Variants in TMEM132D observed in about 807,000 individuals in gnomAD.
TMEM132D encodes the protein mature OL transmembrane protein.
Under a neutral mutation model 62.3 loss-of-function variants are expected in TMEM132D, and 21 were observed. That is an observed-to-expected ratio of 0.34 (90% CI 0.24 to 0.49). The LOEUF is 0.49. Ranked by LOEUF, TMEM132D falls within the 20% of genes least tolerant of loss-of-function variation. The pLI is 0.99. For synonymous variants in TMEM132D, 621 were observed against 575.6 expected, an observed-to-expected ratio of 1.08 and a Z score of -1.13; for missense variants, 1,346 against 1,402.8, an observed-to-expected ratio of 0.96 and a Z score of 0.65.
chr12:129,226,302 A>G (rs888842037), intron 4 of TMEM132D, among the ~76,000 whole-genome samples: 5 of 152,256 alleles, frequency 3.3e-5, no homozygotes, highest in African/African-American at 1.2e-4. Flanking sequence ...ATGCCTGGCC[A>G]GGATCACAGG....
intron 1 of TMEM132D, among the ~76,000 whole-genome samples, chr12:129,841,996 T>A: frequency 6.6e-6 from 1 of 150,514 alleles, no homozygotes; most frequent in Non-Finnish European, 1.5e-5. Context: ...AGTGGCGCGA[T>A]CTCGGCTCAC....
At chr12:129,670,715 C>G (rs1443387113) in intron 2 of TMEM132D, among the ~76,000 whole-genome samples, 2 of 152,196 alleles carry the variant, frequency 1.3e-5, no homozygotes, top group Admixed American at 1.3e-4. Flanking sequence ...ATCCCCCTGT[C>G]TTGATGAATC....
chr12:129,574,538 A>G (rs74809139), intron 2 of TMEM132D, among the ~76,000 whole-genome samples: 15,443 of 151,916 alleles, frequency 0.1, 1,007 homozygotes, highest in Admixed American at 0.18. Flanking sequence ...TGCAGAGCAA[A>G]ATGCATTTCA....
At chr12:129,605,622 T>TATAC (rs71451321) in intron 2 of TMEM132D, among the ~76,000 whole-genome samples, 13 of 126,834 alleles carry the variant, frequency 1.0e-4, no homozygotes, top group Non-Finnish European at 6.5e-5. Flanking sequence ...CATATATATA[T>TATAC]ACACACACAC....
At chr12:129,683,921 C>G (rs1043905562) in intron 2 of TMEM132D, among the ~76,000 whole-genome samples, 4 of 152,098 alleles carry the variant, frequency 2.6e-5, no homozygotes, top group Non-Finnish European at 2.9e-5. Flanking sequence ...TGCTTTGAGT[C>G]TTGTTGAAAA....
chr12:129,623,693 ACATATATATACATACATATG>A (rs1879135949), intron 2 of TMEM132D, among the ~76,000 whole-genome samples: 1 of 136,784 alleles, frequency 7.3e-6, no homozygotes, highest in Non-Finnish European at 1.5e-5. Context: ...ATACATATAT[ACATATATATACATACATATG>A]CATATATATA....
intron 1 of TMEM132D, among the ~76,000 whole-genome samples, chr12:129,753,088 G>A (rs1429872075): frequency 6.6e-6 from 1 of 152,304 alleles, no homozygotes; most frequent in East Asian, 1.9e-4. Context: ...ATGGCTAACA[G>A]GACAAGTAAA....
rs965361892 is a variant in TMEM132D, at chr12:129,796,156, G to A, written c.80-95458C>T. On this transcript the variant is annotated intron_variant, in intron 1 of 8. Transcript: ENST00000422113. ...TTGAGACCAGCCTGGGCAACATACT[G>A]AGACCCTGTCTCTAAATAAATAAAT... Among the ~76,000 whole-genome samples, 20 of 152,068 alleles carry A rather than the reference G, an allele frequency of 1.3e-4. No individual in the cohort carries two copies. The East Asian group carries it at 3.5e-3, about 26-fold the overall frequency.
At chr12:129,826,252 C>A (rs1244112572) in intron 1 of TMEM132D, among the ~76,000 whole-genome samples, 1 of 152,120 alleles carries the variant, frequency 6.6e-6, no homozygotes, top group Admixed American at 6.5e-5. Flanking sequence ...CCCTGAGTGA[C>A]CCTCCTAAGA....
intron 1 of TMEM132D, among the ~76,000 whole-genome samples, chr12:129,805,718 T>C (rs1163429065): frequency 1.3e-5 from 2 of 151,200 alleles, no homozygotes; most frequent in Non-Finnish European, 2.9e-5. Context: ...AAAGAGCTTC[T>C]GCACAGCAAA....
chr12:129,679,261 T>C (rs1179994236), intron 2 of TMEM132D, among the ~76,000 whole-genome samples: 2 of 152,074 alleles, frequency 1.3e-5, no homozygotes, highest in African/African-American at 4.8e-5. Flanking sequence ...TTTTTGTGAA[T>C]GTTTATTCAA....
At position 129,072,514 on chromosome 12, in the gene TMEM132D, T is replaced by A. The variant is rs1874103954; in HGVS notation, c.*1361A>T. ...CTGGTCTTAAGCAATGCTGAACCTT[T>A]CGGGGCTGACTGCAGGACCAAGTGC... On this transcript the variant is annotated 3_prime_UTR_variant, in exon 9 of 9. Coordinates refer to ENST00000422113, the MANE Select transcript of TMEM132D (RefSeq NM_133448.3). The A allele has an allele frequency of 6.6e-6, 1 of 152,282 alleles. No individual in the cohort carries two copies. The highest frequency in any genetic ancestry group is 2.1e-4 in the South Asian group (1 of 4,830). The allele number at this position is 152,282 out of a possible 1,614,324, so 9.4% of individuals were successfully genotyped here.
chr12:129,214,977 A>G (rs1315922653), intron 4 of TMEM132D, among the ~76,000 whole-genome samples: 3 of 152,222 alleles, frequency 2.0e-5, no homozygotes, highest in African/African-American at 7.2e-5. Context: ...CCAAAGGAAT[A>G]TAAATCATTC....
At chr12:129,225,914 C>T (rs1222607396) in intron 4 of TMEM132D, among the ~76,000 whole-genome samples, 1 of 152,140 alleles carries the variant, frequency 6.6e-6, no homozygotes, top group East Asian at 1.9e-4. Flanking sequence ...CAGTCAGTAG[C>T]TTTAGTATTA....
intron 1 of TMEM132D, among the ~76,000 whole-genome samples, chr12:129,734,774 G>A (rs191379677): frequency 6.6e-6 from 1 of 152,270 alleles, no homozygotes; most frequent in Non-Finnish European, 1.5e-5. Flanking sequence ...AAGTATTGGA[G>A]AAGGTGGTTT....
chr12:129,307,595 G>C (rs1881875155), intron 4 of TMEM132D, among the ~76,000 whole-genome samples: 1 of 152,038 alleles, frequency 6.6e-6, no homozygotes, highest in Admixed American at 6.6e-5. Context: ...CCATACAGCT[G>C]TCTGCTTGAA....
chr12:129,878,598 G>A (rs61942142), intron 1 of TMEM132D, among the ~76,000 whole-genome samples: 1 of 141,140 alleles, frequency 7.1e-6, no homozygotes, highest in Non-Finnish European at 1.6e-5. Context: ...TTTTTTTAAA[G>A]ACACAGTCTC....
chr12:129,353,737 G>A (rs1482297), intron 3 of TMEM132D, among the ~76,000 whole-genome samples: 149,888 of 152,300 alleles, frequency 0.98, 73,793 homozygotes, highest in Middle Eastern at 1. Context: ...TGTTTAGCAC[G>A]GGTAAACCAA....
chr12:129,402,916 C>T (rs535104210), intron 3 of TMEM132D, among the ~76,000 whole-genome samples: 1 of 152,152 alleles, frequency 6.6e-6, no homozygotes, highest in African/African-American at 2.4e-5. Flanking sequence ...GTGTTTCTCA[C>T]AGCACCCACA....
Sources: allele counts gnomAD v4.1 joint callset (sites outside exome capture counted in the v4.1 genomes callset), GRCh38; gene constraint gnomAD v4.1.1; transcripts MANE v1.5; gene names NCBI Gene and HGNC (gene_info 2026-07-23, HGNC 2026-07-21).